LNX1: variants seen among roughly 807,000 people sequenced by gnomAD.
The protein encoded by LNX1 is E3 ubiquitin-protein ligase LNX.
LNX1 carries 54 observed loss-of-function variants against 68.4 expected under a neutral mutation model. That is an observed-to-expected ratio of 0.79 (90% CI 0.63 to 0.99). The LOEUF is 0.99. Ranked by LOEUF, LNX1 falls within the 50% of genes least tolerant of loss-of-function variation. The pLI is 0.00. For synonymous variants in LNX1, 336 were observed against 350.0 expected (o/e 0.96, Z 0.45); for missense variants, 906 against 926.4 (o/e 0.98, Z 0.29).
intron 2 of LNX1, among the ~76,000 whole-genome samples, chr4:53,526,761 G>T (rs1727637837): frequency 6.6e-6 from 1 of 151,624 alleles, no homozygotes; most frequent in African/African-American, 2.4e-5. Flanking sequence ...CTTTTCTCTT[G>T]AACTTTTGTA....
chr4:53,510,236 A>G (rs1477927918), intron 2 of LNX1, among the ~76,000 whole-genome samples: 1 of 152,262 alleles, frequency 6.6e-6, no homozygotes, highest in Non-Finnish European at 1.5e-5. Context: ...ACAAGAGTCT[A>G]GTTCACCAAT....
chr4:53,613,287 G>A (rs1733563060), intron 2 of LNX1, among the ~76,000 whole-genome samples: 1 of 152,004 alleles, frequency 6.6e-6, no homozygotes, highest in Non-Finnish European at 1.5e-5. Flanking sequence ...CATACATGAA[G>A]AAATCACCTT....
At chr4:53,618,280 G>T (rs1184952025), upstream of LNX1, among the ~76,000 whole-genome samples, 1 of 152,142 alleles carries the variant, frequency 6.6e-6, no homozygotes, top group Non-Finnish European at 1.5e-5. Context: ...CAGGACTTGA[G>T]CCTTGGGAAA....
intron 9 of LNX1, among the ~76,000 whole-genome samples, chr4:53,464,715 A>G (rs1472084616): frequency 1.3e-5 from 2 of 152,120 alleles, no homozygotes; most frequent in Admixed American, 1.3e-4. Flanking sequence ...ACCATTTTCT[A>G]CTACACTATT....
intron 9 of LNX1, among the ~76,000 whole-genome samples, chr4:53,469,601 A>C (rs1227454046): frequency 1.3e-5 from 2 of 152,224 alleles, no homozygotes; most frequent in African/African-American, 2.4e-5. Flanking sequence ...TAGCAAGACT[A>C]ATAAAGAAGA....
intron 2 of LNX1, among the ~76,000 whole-genome samples, chr4:53,564,331 C>T (rs1203067514): frequency 6.6e-6 from 1 of 152,146 alleles, no homozygotes; most frequent in Non-Finnish European, 1.5e-5. Flanking sequence ...ACCTGCTAGC[C>T]CTTCCCCTTC....
intron 2 of LNX1, among the ~76,000 whole-genome samples, chr4:53,542,294 T>C (rs1347964705): frequency 1.3e-5 from 2 of 152,230 alleles, no homozygotes; most frequent in Admixed American, 6.5e-5. Flanking sequence ...TTCATGAGAT[T>C]ATCTTAAAGA....
At chr4:53,478,307 A>G (rs528153971) in intron 8 of LNX1, among the ~76,000 whole-genome samples, 1 of 152,258 alleles carries the variant, frequency 6.6e-6, no homozygotes, top group African/African-American at 2.4e-5. Flanking sequence ...CTTGCTCATA[A>G]CTGTAGCAGT....
chr4:53,533,154 C>T (rs1728132021), intron 2 of LNX1, among the ~76,000 whole-genome samples: 2 of 152,198 alleles, frequency 1.3e-5, no homozygotes, highest in African/African-American at 4.8e-5. Flanking sequence ...TGGCCTGAGA[C>T]TAACTGAGCT....
chr4:53,555,453 T>C (rs1729841855), intron 2 of LNX1, among the ~76,000 whole-genome samples: 1 of 152,180 alleles, frequency 6.6e-6, no homozygotes. Flanking sequence ...GGACAATCTC[T>C]ACCTCCTCTC....
chr4:53,598,055 TG>T (rs1315013691), intron 2 of LNX1, among the ~76,000 whole-genome samples: 2 of 152,178 alleles, frequency 1.3e-5, no homozygotes, highest in Non-Finnish European at 2.9e-5. Flanking sequence ...TTGTCCAACA[TG>T]CCTGGTTGGT....
At chr4:53,637,882 C>T (rs2109880797) in intron 1 of LNX1, among the ~76,000 whole-genome samples, 1 of 152,332 alleles carries the variant, frequency 6.6e-6, no homozygotes, top group Admixed American at 6.5e-5. Flanking sequence ...CACCTTCTAA[C>T]TTCAACCCAA....
At chr4:53,585,800 C>T (rs1313312836) in intron 1 of LNX1, among the ~76,000 whole-genome samples, 1 of 152,138 alleles carries the variant, frequency 6.6e-6, no homozygotes, top group East Asian at 1.9e-4. Context: ...TTTCAAACTT[C>T]CAGCCTCCAG....
intron 2 of LNX1, among the ~76,000 whole-genome samples, chr4:53,529,651 T>C (rs1224101695): frequency 1.3e-5 from 2 of 152,086 alleles, no homozygotes; most frequent in East Asian, 1.9e-4. Context: ...TCCATGTACA[T>C]TGTGAGCTCC....
At position 53,652,009 on chromosome 4, in the gene LNX1, ATG is replaced by A. The variant is rs139303198; in HGVS notation, c.-215+157_-215+158del. Among the ~76,000 whole-genome samples, 191 of 127,474 alleles carry A rather than the reference ATG, an allele frequency of 1.5e-3. 1 individual carries two copies. The highest frequency in any genetic ancestry group is 2.2e-3 in the Admixed American group (28 of 12,618). 83.6% of individuals were successfully genotyped at this position (127,474 alleles called of 152,430 possible). Reference sequence around the variant, plus strand: ...CATCTTTTAGACTCTCCTCAATTTGATGTGTGTGTGTGAGAGAGAGAGAGAGA... The same window carrying A: ...CATCTTTTAGACTCTCCTCAATTTGATGTGTGTGTGAGAGAGAGAGAGAGA... On this transcript the variant is annotated intron_variant, in intron 1 of 2. Coordinates refer to the LNX1 transcript ENST00000507168.
chr4:53,508,336 T>G, intron 2 of LNX1, 109 bp from the exon 3 acceptor site: 1 of 1,384,834 alleles, frequency 7.2e-7, no homozygotes, highest in Non-Finnish European at 9.8e-7. Context: ...TTGTTGAACT[T>G]GGAATTTGAT....
chr4:53,537,825 A>G (rs1728479556), intron 2 of LNX1, among the ~76,000 whole-genome samples: 1 of 152,222 alleles, frequency 6.6e-6, no homozygotes, highest in Non-Finnish European at 1.5e-5. Flanking sequence ...GCTTTCAGTG[A>G]GCAGCACTCC....
chr4:53,587,345 T>G (rs1048343783), intron 1 of LNX1, among the ~76,000 whole-genome samples: 4 of 152,228 alleles, frequency 2.6e-5, no homozygotes, highest in African/African-American at 9.6e-5. Context: ...AACCCTATTC[T>G]TTGGGGATAG....
At chr4:53,465,711 A>G (rs1722628887) in intron 9 of LNX1, among the ~76,000 whole-genome samples, 1 of 152,232 alleles carries the variant, frequency 6.6e-6, no homozygotes, top group South Asian at 2.1e-4. Context: ...CATACACTAA[A>G]AAGATTTGCC....
Sources: gnomAD v4.1 joint callset for allele counts (sites outside exome capture counted in the v4.1 genomes callset) on GRCh38, gnomAD v4.1.1 for gene constraint, MANE v1.5 for transcripts, NCBI Gene and HGNC (gene_info 2026-07-23, HGNC 2026-07-21) for gene names.